The following KIAA1328 variants were observed in gnomAD, a reference collection of about 807,000 sequenced individuals.
KIAA1328 encodes KIAA1328.
A neutral mutation model predicts 68.1 loss-of-function variants in KIAA1328; 52 were observed. That is an observed-to-expected ratio of 0.76 (90% CI 0.61 to 0.96). KIAA1328 has a LOEUF of 0.96. Ranked by LOEUF, KIAA1328 falls within the 40% of genes least tolerant of loss-of-function variation. The probability of loss-of-function intolerance (pLI) is 0.00; values close to 1 mark genes in which losing one functional copy is unlikely to be tolerated. For synonymous variants in KIAA1328, 232 were observed against 239.4 expected (o/e 0.97, Z 0.28); for missense variants, 641 against 677.6 (o/e 0.95, Z 0.60).
chr18:36,934,539 C>T (rs2050431221), intron 5 of KIAA1328, among the ~76,000 whole-genome samples: 1 of 151,856 alleles, frequency 6.6e-6, no homozygotes, highest in Admixed American at 6.6e-5. Context: ...CAATTCCCAC[C>T]TATGAGTGAG....
intron 4 of KIAA1328, among the ~76,000 whole-genome samples, chr18:36,864,854 A>G (rs1180447593): frequency 6.6e-6 from 1 of 151,938 alleles, no homozygotes; most frequent in Non-Finnish European, 1.5e-5. Context: ...GTGGTTTTCA[A>G]TAATTGTTTC....
intron 2 of KIAA1328, 131 bp from the exon 3 acceptor site, chr18:36,835,103 T>A (rs2046628416): frequency 1.7e-6 from 1 of 587,496 alleles, no homozygotes; most frequent in Admixed American, 3.4e-5. Context: ...GCTTTAAAAT[T>A]AAGTTTATAA....
Position 36,844,115 on chromosome 18 carries a change from A to C in KIAA1328, c.238-93A>C, listed in dbSNP as rs536183252. The C allele has an allele frequency of 7.9e-4, 583 of 734,720 alleles. 2 individuals are homozygous for C. The highest frequency in any genetic ancestry group is 1.1e-3 in the Non-Finnish European group (489 of 446,794). 45.5% of individuals were successfully genotyped at this position (734,720 alleles called of 1,614,324 possible). On this transcript the variant is annotated intron_variant, in intron 3 of 9. Transcript: ENST00000280020. Reference sequence around the variant, plus strand: ...TAGATAGTGTTGCACCAGAGAAAAGATATCTAAGAAATTTCACCTTGCACC... The same window carrying C: ...TAGATAGTGTTGCACCAGAGAAAAGCTATCTAAGAAATTTCACCTTGCACC...
Position 36,885,523 on chromosome 18 carries a change from A to G in KIAA1328, c.333-34A>G, listed in dbSNP as rs764793869. ...TAGGCACATATTTAATTTTATTCTG[A>G]TAGATGTTAAAGGTTTTTTTTTTTT... On this transcript the variant is annotated intron_variant, in intron 4 of 9. Coordinates refer to ENST00000280020, the MANE Select transcript of KIAA1328 (RefSeq NM_020776.3). 21 of 1,279,060 alleles carry G rather than the reference A, an allele frequency of 1.6e-5. No individual in the cohort carries two copies. In the South Asian group the frequency reaches 2.9e-4, roughly 18 times the overall value. The allele number at this position is 1,279,060 out of a possible 1,614,324, so 79.2% of individuals were successfully genotyped here.
intron 7 of KIAA1328, among the ~76,000 whole-genome samples, chr18:37,121,294 AATCTATTG>A (rs1356264689): frequency 6.6e-6 from 1 of 152,156 alleles, no homozygotes. Context: ...AAATCAAGGA[AATCTATTG>A]TCTTCTATAA....
At chr18:37,160,112 G>T (rs1012234482) in intron 7 of KIAA1328, 88 bp from the exon 8 acceptor site, 3 of 980,332 alleles carry the variant, frequency 3.1e-6, no homozygotes, top group Non-Finnish European at 4.4e-6. Context: ...TTAATGAATT[G>T]CATTTCAACC....
chr18:37,019,267 T>G (rs908206603), intron 6 of KIAA1328, among the ~76,000 whole-genome samples: 1 of 152,162 alleles, frequency 6.6e-6, no homozygotes, highest in African/African-American at 2.4e-5. Flanking sequence ...GGTTTTATAT[T>G]TGGCTGTGCA....
chr18:36,987,836 T>G (rs2053006170), intron 6 of KIAA1328, among the ~76,000 whole-genome samples: 2 of 152,108 alleles, frequency 1.3e-5, no homozygotes, highest in South Asian at 4.1e-4. Context: ...TTTTTTTTGT[T>G]TTTGTTTTTT....
At chr18:36,926,371 ATCTC>A (rs575375124) in intron 5 of KIAA1328, among the ~76,000 whole-genome samples, 16 of 141,516 alleles carry the variant, frequency 1.1e-4, no homozygotes, top group African/African-American at 4.1e-4. Flanking sequence ...TTCTTTCTCT[ATCTC>A]TCTCTCTCTA....
chr18:37,207,595 C>T (rs1352606738), intron 9 of KIAA1328, among the ~76,000 whole-genome samples: 1 of 152,128 alleles, frequency 6.6e-6, no homozygotes, highest in African/African-American at 2.4e-5. Flanking sequence ...TGCCAGGTGG[C>T]AGCAGAATGC....
intron 6 of KIAA1328, chr18:37,063,746 A>T: frequency 1.2e-6 from 1 of 814,894 alleles, no homozygotes; most frequent in Non-Finnish European, 1.5e-6. Context: ...TTTATTCCAA[A>T]TACTTGATTT....
intron 7 of KIAA1328, among the ~76,000 whole-genome samples, chr18:37,089,371 C>CTTTTTTT (rs3085910): frequency 2.1e-5 from 2 of 95,298 alleles, no homozygotes; most frequent in Admixed American, 1.1e-4. Flanking sequence ...AAGGTAGTGG[C>CTTTTTTT]TTTTTTTTTT....
chr18:36,992,161 A>T (rs1286062307), intron 6 of KIAA1328, among the ~76,000 whole-genome samples: 1 of 151,970 alleles, frequency 6.6e-6, no homozygotes, highest in Non-Finnish European at 1.5e-5. Flanking sequence ...TAGATGTTAA[A>T]CCTTTGTTGG....
intron 7 of KIAA1328, among the ~76,000 whole-genome samples, chr18:37,126,843 C>A (rs995590232): frequency 1.3e-5 from 2 of 152,042 alleles, no homozygotes; most frequent in Non-Finnish European, 2.9e-5. Flanking sequence ...AAGAGAAAAA[C>A]CACCTGATTT....
intron 6 of KIAA1328, among the ~76,000 whole-genome samples, chr18:37,066,231 G>A (rs2056332780): frequency 6.6e-6 from 1 of 152,222 alleles, no homozygotes; most frequent in Admixed American, 6.5e-5. Flanking sequence ...ATTTGCAACT[G>A]CTTCCTTTCT....
At chr18:37,002,241 T>C (rs1335322807) in intron 6 of KIAA1328, among the ~76,000 whole-genome samples, 4 of 147,244 alleles carry the variant, frequency 2.7e-5, no homozygotes, top group East Asian at 4.0e-4. Context: ...TTTTTTTTTT[T>C]TTTTTTTGAG....
intron 7 of KIAA1328, among the ~76,000 whole-genome samples, chr18:37,105,994 T>C (rs560294539): frequency 3.3e-4 from 48 of 145,312 alleles, no homozygotes; most frequent in Admixed American, 1.9e-3. Flanking sequence ...AAATTATCCC[T>C]TAAACATGGA....
At chr18:36,993,299 A>G (rs904692544) in intron 6 of KIAA1328, among the ~76,000 whole-genome samples, 8 of 152,256 alleles carry the variant, frequency 5.3e-5, no homozygotes, top group Non-Finnish European at 1.0e-4. Flanking sequence ...CTGACATCTT[A>G]CACTCTATGA....
At chr18:37,156,149 G>A (rs1317342967) in intron 7 of KIAA1328, among the ~76,000 whole-genome samples, 6 of 152,054 alleles carry the variant, frequency 3.9e-5, no homozygotes, top group African/African-American at 7.2e-5. Context: ...GCTCACACCT[G>A]TAATCCCAGG....
Sources: allele counts gnomAD v4.1 joint callset (sites outside exome capture counted in the v4.1 genomes callset), GRCh38; gene constraint gnomAD v4.1.1; transcripts MANE v1.5; gene names NCBI Gene and HGNC (gene_info 2026-07-23, HGNC 2026-07-21).